Variants in RBFOX1 observed in about 807,000 individuals in gnomAD.
RBFOX1 encodes the protein RNA binding protein fox-1 homolog 1.
A neutral mutation model predicts 57.7 loss-of-function variants in RBFOX1; 8 were observed. That is an observed-to-expected ratio of 0.14 (90% CI 0.08 to 0.25). The LOEUF (loss-of-function observed/expected upper bound fraction) is 0.25. Ranked by LOEUF, RBFOX1 falls within the 10% of genes least tolerant of loss-of-function variation. The pLI is 1.00. For missense variants in RBFOX1, 611 were observed against 548.5 expected (o/e 1.11, Z -1.14); for synonymous variants, 326 against 222.4 (o/e 1.47, Z -4.15).
At chr16:6,371,936 G>A (rs754479055) in intron 2 of RBFOX1, among the ~76,000 whole-genome samples, 2 of 152,180 alleles carry the variant, frequency 1.3e-5, no homozygotes, top group Non-Finnish European at 2.9e-5. Context: ...CTTCAGAAGA[G>A]AGACTTCATA....
chr16:6,780,795 G>C (rs935212681), intron 3 of RBFOX1, among the ~76,000 whole-genome samples: 10 of 151,638 alleles, frequency 6.6e-5, no homozygotes, highest in African/African-American at 2.4e-4. Flanking sequence ...ATGTCTTCTT[G>C]AGAATTGTCT....
intron 1 of RBFOX1, among the ~76,000 whole-genome samples, chr16:5,388,281 C>G (rs1352595701): frequency 6.6e-6 from 1 of 152,112 alleles, no homozygotes; most frequent in Non-Finnish European, 1.5e-5. Context: ...TAGCACATCC[C>G]TTGGTTGGGT....
intron 4 of RBFOX1, among the ~76,000 whole-genome samples, chr16:5,965,353 C>T (rs2059822566): frequency 6.6e-6 from 1 of 152,158 alleles, no homozygotes; most frequent in South Asian, 2.1e-4. Flanking sequence ...TAATTAGCTT[C>T]ATTATGGTAA....
chr16:6,093,995 G>A (rs1223072739), intron 1 of RBFOX1, among the ~76,000 whole-genome samples: 1 of 152,080 alleles, frequency 6.6e-6, no homozygotes, highest in African/African-American at 2.4e-5. Context: ...AAATCATGCC[G>A]CTTTTTTAGG....
intron 4 of RBFOX1, among the ~76,000 whole-genome samples, chr16:5,884,492 T>G (rs2057848190): frequency 8.6e-6 from 1 of 116,870 alleles, no homozygotes; most frequent in Non-Finnish European, 1.7e-5. Flanking sequence ...CCGGCTAGGG[T>G]ACACAGCTGG....
chr16:7,033,880 G>A (rs1234766259), intron 3 of RBFOX1, among the ~76,000 whole-genome samples: 3 of 152,168 alleles, frequency 2.0e-5, no homozygotes, highest in Non-Finnish European at 4.4e-5. Flanking sequence ...GGGGCAGGAG[G>A]ATTATTTGAG....
At chr16:6,546,077 A>C (rs1475866002) in intron 2 of RBFOX1, among the ~76,000 whole-genome samples, 2 of 152,234 alleles carry the variant, frequency 1.3e-5, no homozygotes, top group African/African-American at 2.4e-5. Flanking sequence ...TCACAGAAAA[A>C]GATTATAATG....
chr16:6,136,858 G>T (rs1035186744), intron 1 of RBFOX1, among the ~76,000 whole-genome samples: 5 of 152,158 alleles, frequency 3.3e-5, no homozygotes, highest in Admixed American at 3.3e-4. Context: ...TTGAAAAATA[G>T]TTGTGTTCCT....
intron 3 of RBFOX1, among the ~76,000 whole-genome samples, chr16:5,763,862 A>G (rs140255892): frequency 6.6e-6 from 1 of 151,672 alleles, no homozygotes; most frequent in African/African-American, 2.4e-5. Flanking sequence ...TTAAGTAGCA[A>G]CTCCTTCTTT....
At chr16:6,293,931 T>G (rs2152727614) in intron 1 of RBFOX1, among the ~76,000 whole-genome samples, 1 of 136,602 alleles carries the variant, frequency 7.3e-6, no homozygotes, top group South Asian at 2.2e-4. Context: ...TGCAGGAATT[T>G]TTACTGTAAG....
intron 3 of RBFOX1, among the ~76,000 whole-genome samples, chr16:6,694,845 G>C (rs1243647781): frequency 6.6e-6 from 1 of 152,016 alleles, no homozygotes; most frequent in South Asian, 2.1e-4. Flanking sequence ...ACCTGGTCTA[G>C]AGTCCAGCCC....
intron 3 of RBFOX1, among the ~76,000 whole-genome samples, chr16:5,744,668 A>C (rs566363444): frequency 6.6e-6 from 1 of 152,326 alleles, no homozygotes; most frequent in South Asian, 2.1e-4. Context: ...CTGAAATTAA[A>C]TGAAATAAAA....
In RBFOX1 at chr16:6,538,306, A is replaced by G. The variant is rs1235200698; in HGVS notation, c.-63-116297A>G. 2.0e-5 allele frequency among the ~76,000 whole-genome samples: 3 copies of G among 152,176 alleles called. No homozygotes were observed. The East Asian group carries it at 5.8e-4, about 29-fold the overall frequency. The stretch of plus-strand genomic sequence containing the variant: ...AGAGTTTTATACCAGCCTGGGCAGC[A>G]CAGGGAGACCTCATCTCTACAGAAA... On this transcript the variant is annotated intron_variant, in intron 2 of 15. Coordinates refer to ENST00000550418, the MANE Select transcript of RBFOX1 (RefSeq NM_018723.4).
chr16:6,823,262 T>C (rs1323874016), intron 3 of RBFOX1, among the ~76,000 whole-genome samples: 2 of 151,728 alleles, frequency 1.3e-5, no homozygotes, highest in African/African-American at 2.4e-5. Flanking sequence ...TTTTTTTTTT[T>C]CTTTTTTTTC....
intron 3 of RBFOX1, among the ~76,000 whole-genome samples, chr16:5,804,235 T>G (rs1381645744): frequency 1.3e-5 from 2 of 152,200 alleles, no homozygotes; most frequent in Non-Finnish European, 2.9e-5. Context: ...AATGCATGAA[T>G]TAATGGATGA....
intron 4 of RBFOX1, among the ~76,000 whole-genome samples, chr16:7,253,981 G>C (rs1294293470): frequency 1.3e-5 from 2 of 152,162 alleles, no homozygotes; most frequent in Non-Finnish European, 2.9e-5. Flanking sequence ...AGGAAGAATT[G>C]CCTTGAAAAT....
chr16:5,422,591 G>A (rs865971665), intron 1 of RBFOX1, among the ~76,000 whole-genome samples: 2 of 115,204 alleles, frequency 1.7e-5, no homozygotes, highest in Middle Eastern at 0.012. Context: ...GGGAGGAAGC[G>A]AGGACAGGAG....
At chr16:5,431,460 C>T (rs558553132) in intron 1 of RBFOX1, among the ~76,000 whole-genome samples, 15 of 152,064 alleles carry the variant, frequency 9.9e-5, no homozygotes, top group East Asian at 5.8e-4. Flanking sequence ...CTACAACCTC[C>T]GCCTCCTGGG....
chr16:6,249,924 A>G (rs12447697), intron 1 of RBFOX1, among the ~76,000 whole-genome samples: 21,406 of 150,850 alleles, frequency 0.14, 1,630 homozygotes, highest in Middle Eastern at 0.31. Context: ...GTCCCTCCCC[A>G]CTCCCCCTAC....
Sources: gnomAD v4.1 joint callset for allele counts (sites outside exome capture counted in the v4.1 genomes callset) on GRCh38, gnomAD v4.1.1 for gene constraint, MANE v1.5 for transcripts, NCBI Gene and HGNC (gene_info 2026-07-23, HGNC 2026-07-21) for gene names.